Variants in SYNE1 observed in about 807,000 individuals in gnomAD.
The protein encoded by SYNE1 is spectrin repeat containing nuclear envelope protein 1.
In SYNE1, 616 loss-of-function variants were observed where a neutral mutation model predicts 1,111.0. That is an observed-to-expected ratio of 0.55 (90% confidence interval 0.52 to 0.59). SYNE1 has a LOEUF of 0.59. SYNE1 is among the 20% of genes least tolerant of loss of function. The probability of loss-of-function intolerance (pLI) is 0.00; values close to 1 mark genes in which losing one functional copy is unlikely to be tolerated. For synonymous variants in SYNE1, 3,855 were observed against 3,825.8 expected (o/e 1.01, Z -0.28); for missense variants, 10,006 against 10,417.0 (o/e 0.96, Z 1.72).
chr6:152,309,489 CA>C (rs1428449312), intron 90 of SYNE1, among the ~76,000 whole-genome samples: 13 of 152,162 alleles, frequency 8.5e-5, no homozygotes, highest in Non-Finnish European at 4.4e-5. Context: ...AACTCTGTAA[CA>C]CAAGATAACA....
intron 145 of SYNE1, among the ~76,000 whole-genome samples, chr6:152,130,339 A>G (rs2055171922): frequency 6.6e-6 from 1 of 152,226 alleles, no homozygotes; most frequent in African/African-American, 2.4e-5. Flanking sequence ...TGTGAATGGT[A>G]AAAGAATTCA....
In SYNE1 at chr6:152,331,216, C is replaced by T. The variant is rs778269955; in HGVS notation, c.13469G>A (p.Ser4490Asn). 15 of 1,613,842 alleles carry T rather than the reference C, an allele frequency of 9.3e-6. No homozygotes were observed. The highest frequency in any genetic ancestry group is 8.5e-7 in the Non-Finnish European group (1 of 1,180,054). Reference sequence around the variant, plus strand: ...ACTCTTACATGTTTTGACTTGTTTGCTCACATCATCTGGTAACAGACAGAT... The same window carrying T: ...ACTCTTACATGTTTTGACTTGTTTGTTCACATCATCTGGTAACAGACAGAT... Reference protein sequence around the residue: ...EHICLLPDDVSKQVKTCKSAQ... With the variant: ...EHICLLPDDVNKQVKTCKSAQ... The change falls in exon 78 of 146, where the codon AGC (serine) becomes AAC (asparagine). Residue 4490 changes from serine (S) to asparagine (N), a missense_variant. Ser to Asn is a conservative substitution (Grantham distance 46, BLOSUM62 1). Around this residue, in one of 7 missense-constraint regions of SYNE1, gnomAD observed 4,955 missense variants for 5,017.2 expected, o/e 0.99. Coordinates refer to ENST00000367255, the MANE Select transcript of SYNE1 (RefSeq NM_182961.4).
chr6:152,385,572 AG>A, intron 55 of SYNE1, 101 bp downstream of exon 55: 1 of 1,373,044 alleles, frequency 7.3e-7, no homozygotes. Flanking sequence ...GAAAACAGGA[AG>A]GAAACATTTT....
In SYNE1 at chr6:152,461,711, A is replaced by T. The variant is rs1344592908; in HGVS notation, c.2280T>A (p.Asp760Glu). ...EDIEQRVPVM[D>E]AQYKIITKTA... ...TCTTTGTAATTATCTTGTATTGGGC[A>T]TCCATCACAGGCACCCTCTGCTCAA... The change falls in exon 21 of 146, where the codon GAT becomes GAA. Residue 760 changes from aspartate (D) to glutamate (E), a missense_variant. Asp to Glu is a conservative substitution (Grantham distance 45). Around this residue, in one of 7 missense-constraint regions of SYNE1, gnomAD observed 1,971 missense variants for 2,084.1 expected, o/e 0.95. Coordinates refer to ENST00000367255, the MANE Select transcript of SYNE1 (RefSeq NM_182961.4). 6.2e-7 allele frequency: 1 copy of T among 1,613,978 alleles called. No individual in the cohort carries two copies. The highest frequency in any genetic ancestry group is 1.1e-5 in the South Asian group (1 of 91,082).
Position 152,236,100 on chromosome 6 carries a change from G to A in SYNE1, c.20396+7C>T. On this transcript the variant is annotated splice_region_variant and intron_variant, in intron 110 of 145. Transcript: ENST00000367255. ...TCTAAAAATATACAAAACAGTCATT[G>A]TATTACCTGGTCCAGTGTTTCAATA... The A allele has an allele frequency of 6.2e-7, 1 of 1,613,420 alleles. No homozygotes were observed.
At chr6:152,447,328 G>T in intron 29 of SYNE1, 130 bp downstream of exon 29, 2 of 1,024,184 alleles carry the variant, frequency 2.0e-6, no homozygotes, top group Non-Finnish European at 2.9e-6. Context: ...TACAAAAAAA[G>T]CATAACAACA....
chr6:152,130,657 T>C (rs1585626997), intron 145 of SYNE1, 63 bp downstream of exon 145: 1 of 1,581,760 alleles, frequency 6.3e-7, no homozygotes, highest in African/African-American at 1.3e-5. Context: ...ACCTAAGTCA[T>C]GGACAATTTT....
At chr6:152,178,382 G>A (rs1443712966) in intron 129 of SYNE1, among the ~76,000 whole-genome samples, 1 of 152,166 alleles carries the variant, frequency 6.6e-6, no homozygotes, top group African/African-American at 2.4e-5. Flanking sequence ...GCAACCGTGA[G>A]CAGATGCTAA....
At chr6:152,311,379 G>T (rs930800539) in intron 87 of SYNE1, among the ~76,000 whole-genome samples, 2 of 152,136 alleles carry the variant, frequency 1.3e-5, no homozygotes, top group Non-Finnish European at 2.9e-5. Flanking sequence ...TGAGACAAAG[G>T]GGTAGAAGAT....
Position 152,401,282 on chromosome 6 carries a change from T to C in SYNE1, c.6885A>G (p.Ala2295=). The C allele has an allele frequency of 6.2e-7, 1 of 1,614,124 alleles. No homozygotes were observed. The highest frequency in any genetic ancestry group is 8.5e-7 in the Non-Finnish European group (1 of 1,180,024). Residue 2295 remains alanine, a synonymous_variant, in exon 47 of 146, where the codon GCA becomes GCG. Transcript: ENST00000367255. ...CCGTGAAATCCTTCAGGGTTCCTTT[T>C]GCTACTTCAGTTATTTCTTTGGCAT... ...LEHAKEITEV[A]KGTLKDFTAQ...
At chr6:152,179,088 T>C (rs1464823996) in intron 129 of SYNE1, among the ~76,000 whole-genome samples, 1 of 152,034 alleles carries the variant, frequency 6.6e-6, no homozygotes, top group Non-Finnish European at 1.5e-5. Flanking sequence ...TAATATTTTG[T>C]ATTTTTAGTA....
chr6:152,329,123 T>C (rs1317842094), intron 78 of SYNE1, among the ~76,000 whole-genome samples: 6 of 152,244 alleles, frequency 3.9e-5, no homozygotes, highest in Non-Finnish European at 7.3e-5. Flanking sequence ...ATGTTACTAA[T>C]ACCATTTATC....
chr6:152,206,188 T>C lies in SYNE1; in HGVS notation c.22999A>G (p.Lys7667Glu). Residue 7667 changes from lysine to glutamate, a missense_variant, in exon 126 of 146, where the codon AAA (lysine) becomes GAA (glutamate). By Grantham distance (56) the Lys-to-Glu change is moderately conservative. Transcript: ENST00000367255. ...CTTACTTTCAACAAGAAGGCTAGTTTTTTCTTCTGTTCTTCCAGCCGCATG... is the reference window on the plus strand; with the variant it reads ...CTTACTTTCAACAAGAAGGCTAGTTCTTTCTTCTGTTCTTCCAGCCGCATG... ...ASMRLEEQKK[K>E]LAFLLKDWEK... The C allele has an allele frequency of 6.2e-7, 1 of 1,613,648 alleles. No homozygotes were observed. The highest frequency in any genetic ancestry group is 1.3e-5 in the African/African-American group (1 of 75,052).
intron 128 of SYNE1, among the ~76,000 whole-genome samples, chr6:152,187,812 G>A (rs1190124973): frequency 3.3e-5 from 5 of 152,012 alleles, no homozygotes; most frequent in African/African-American, 7.3e-5. Context: ...TGCAACCTCC[G>A]GCTCCTGGGT....
At chr6:152,481,257 C>CGTATCATTAAAAA in intron 14 of SYNE1, 1 of 203,940 alleles carries the variant, frequency 4.9e-6, no homozygotes, top group Non-Finnish European at 1.0e-5. Flanking sequence ...AGATTGGAGG[C>CGTATCATTAAAAA]ACCACAAACG....
chr6:152,252,842 C>T (rs907572836), intron 104 of SYNE1, among the ~76,000 whole-genome samples: 1 of 152,186 alleles, frequency 6.6e-6, no homozygotes, highest in Non-Finnish European at 1.5e-5. Context: ...AAGAGAATTC[C>T]ATGATTCTCT....
At chr6:152,543,691 A>C (rs2099287028) in intron 3 of SYNE1, among the ~76,000 whole-genome samples, 1 of 152,238 alleles carries the variant, frequency 6.6e-6, no homozygotes, top group Non-Finnish European at 1.5e-5. Flanking sequence ...GTAGTGCCAT[A>C]AGATTATAAA....
At chr6:152,561,557 T>C (rs1277109386) in intron 3 of SYNE1, among the ~76,000 whole-genome samples, 1 of 151,818 alleles carries the variant, frequency 6.6e-6, no homozygotes, top group Non-Finnish European at 1.5e-5. Context: ...GCATTTTTAA[T>C]AGAAATAGAA....
chr6:152,530,636 T>C, intron 4 of SYNE1, among the ~76,000 whole-genome samples: 1 of 151,684 alleles, frequency 6.6e-6, no homozygotes, highest in East Asian at 1.9e-4. Flanking sequence ...TTTTTTTTTT[T>C]TTTGAGACGG....
Sources: allele counts gnomAD v4.1 joint callset (sites outside exome capture counted in the v4.1 genomes callset), GRCh38; gene constraint gnomAD v4.1.1; regional missense constraint gnomAD v4.1.1; transcripts MANE v1.5; gene names NCBI Gene and HGNC (gene_info 2026-07-23, HGNC 2026-07-21).